The following P2RX7 variants were observed in gnomAD, a reference collection of about 807,000 sequenced individuals.
P2RX7 encodes the protein P2X purinoceptor 7.
A neutral mutation model predicts 71.6 loss-of-function variants in P2RX7; 62 were observed. The observed-to-expected ratio is 0.87, with a 90% CI of 0.71 to 1.07. The LOEUF (loss-of-function observed/expected upper bound fraction) is 1.07, where lower values mean the gene tolerates loss of function less well. P2RX7 is among the 50% of genes least tolerant of loss of function. The pLI is 0.00. For synonymous variants in P2RX7, 299 were observed against 283.3 expected (o/e 1.06, Z -0.56); for missense variants, 686 against 748.5 (o/e 0.92, Z 0.97).
At chr12:121,165,526 C>T in intron 6 of P2RX7, 89 bp downstream of exon 6, 1 of 1,012,114 alleles carries the variant, frequency 9.9e-7, no homozygotes, top group East Asian at 2.5e-5. Flanking sequence ...CAACAAACGC[C>T]TATTGTCTCC....
In P2RX7 at chr12:121,186,847, A is replaced by G; in HGVS notation, c.*2045A>G. ...ATAGTGCCACTGCACTCCAGCCTAG[A>G]TAACAGAGCAAGACTCTGTCTCAAA... On this transcript the variant is annotated 3_prime_UTR_variant, in exon 13 of 13. Coordinates refer to ENST00000328963, the MANE Select transcript of P2RX7 (RefSeq NM_002562.6). 1 of 152,220 alleles carries G rather than the reference A, an allele frequency of 6.6e-6. No homozygotes were observed. Among genetic ancestry groups the G allele is most frequent in the East Asian group, 1.9e-4 (1 of 5,200 alleles). 9.4% of individuals were successfully genotyped at this position (152,220 alleles called of 1,614,324 possible).
rs1376599632 is a variant in P2RX7 at position 121,138,506 on chromosome 12, G to C, written c.125+5411G>C. On this transcript the variant is annotated intron_variant, in intron 1 of 12. Coordinates refer to ENST00000328963, the MANE Select transcript of P2RX7 (RefSeq NM_002562.6). ...CCTGGGTCATGTGCTGGCTCCCGTA[G>C]CAGGAAGTAGGGAGAAGACGAGGGA... 2.0e-5 allele frequency among the ~76,000 whole-genome samples: 3 copies of C among 152,372 alleles called. No homozygotes were observed. The East Asian group carries it at 5.8e-4, about 29-fold the overall frequency.
intron 12 of P2RX7, among the ~76,000 whole-genome samples, chr12:121,181,672 A>G (rs1884161665): frequency 6.6e-6 from 1 of 152,026 alleles, no homozygotes; most frequent in African/African-American, 2.4e-5. Context: ...CCTGACCAAC[A>G]TGGAGAAACC....
chr12:121,184,645 G>C lies in P2RX7; in HGVS notation c.1631G>C (p.Arg544Pro). 6.2e-7 allele frequency: 1 copy of C among 1,603,126 alleles called. No individual in the cohort carries two copies. Among genetic ancestry groups the C allele is most frequent in the Middle Eastern group, 1.7e-4 (1 of 6,042 alleles). ...LALDVDSTNS[R>P]LRHCAYRCYA... ...CTGGATGTGGATTCCACCAACAGCC[G>C]GCTGCGGCACTGTGCCTACAGGTGC... Residue 544 changes from arginine to proline, a missense_variant, in exon 13 of 13, where the codon CGG becomes CCG. Transcript: ENST00000328963.
chr12:121,175,383 T>C lies in P2RX7; in HGVS notation c.882-5T>C. The C allele has an allele frequency of 6.4e-7, 1 of 1,573,214 alleles. No homozygotes were observed. Among genetic ancestry groups the C allele is most frequent in the Non-Finnish European group, 8.7e-7 (1 of 1,145,232 alleles). ...TTACAAATACAGATCCTTTTCTTCC[T>C]ACAGATACGCCAAGTACTACAAGGA... On this transcript the variant is annotated splice_polypyrimidine_tract_variant and splice_region_variant and intron_variant, in intron 8 of 12. Transcript: ENST00000328963.
intron 12 of P2RX7, among the ~76,000 whole-genome samples, chr12:121,184,014 A>G (rs2568003): frequency 0.32 from 48,730 of 151,088 alleles, 8,436 homozygotes; most frequent in African/African-American, 0.44. Flanking sequence ...GCAGTGAGCC[A>G]AGATCACACC....
At chr12:121,136,669 T>A (rs141624289) in intron 1 of P2RX7, among the ~76,000 whole-genome samples, 3,978 of 142,532 alleles carry the variant, frequency 0.028, 201 homozygotes, top group African/African-American at 0.1. Context: ...TTTTTTTGAG[T>A]TGAGTCTCAC....
At chr12:121,166,648 C>A (rs990814783) in intron 7 of P2RX7, among the ~76,000 whole-genome samples, 14 of 152,124 alleles carry the variant, frequency 9.2e-5, no homozygotes, top group Non-Finnish European at 1.8e-4. Flanking sequence ...TATCCTGTGT[C>A]CAATCTCCCT....
intron 1 of P2RX7, among the ~76,000 whole-genome samples, chr12:121,135,861 G>A (rs991265134): frequency 6.7e-5 from 10 of 150,112 alleles, no homozygotes; most frequent in African/African-American, 9.8e-5. Flanking sequence ...AAAATTAGCC[G>A]GGCATGGTGG....
rs1310663071 is a variant in P2RX7 at position 121,164,917 on chromosome 12, G to A, written c.534-440G>A. On this transcript the variant is annotated intron_variant, in intron 5 of 12. Coordinates refer to ENST00000328963, the MANE Select transcript of P2RX7 (RefSeq NM_002562.6). ...ACTTACAATCATGGCAGAAGGCGAA[G>A]GGGAAGCAAACACATCTTACCATGA... Among the ~76,000 whole-genome samples, 5 of 152,348 alleles carry A rather than the reference G, an allele frequency of 3.3e-5. No individual in the cohort carries two copies. In the East Asian group the frequency reaches 9.6e-4, roughly 29 times the overall value.
chr12:121,174,030 T>C (rs1277743602), intron 8 of P2RX7, among the ~76,000 whole-genome samples: 1 of 148,400 alleles, frequency 6.7e-6, no homozygotes, highest in African/African-American at 2.5e-5. Context: ...AAAACTTTTT[T>C]ATTTTTTCTT....
chr12:121,132,931 A>G lies in P2RX7; in HGVS notation c.-40A>G, dbSNP rs1250131562. On this transcript the variant is annotated 5_prime_UTR_variant, in exon 1 of 13. Transcript: ENST00000328963. Reference sequence around the variant, plus strand: ...GCTGTGGCCCTGTCAGGAAGAGTAGAGCTCTGGTCCAGCTCCGCGCAGGGA... The same window carrying G: ...GCTGTGGCCCTGTCAGGAAGAGTAGGGCTCTGGTCCAGCTCCGCGCAGGGA... The G allele has an allele frequency of 1.2e-6, 2 of 1,611,580 alleles. No individual in the cohort carries two copies. The highest frequency in any genetic ancestry group is 2.7e-5 in the African/African-American group (2 of 74,904).
chr12:121,163,597 G>T lies in P2RX7; in HGVS notation c.533+1077G>T, dbSNP rs5013319. Among the ~76,000 whole-genome samples, 5 of 130,182 alleles carry T rather than the reference G, an allele frequency of 3.8e-5. No individual in the cohort carries two copies. The Admixed American group carries it at 3.9e-4, about 10-fold the overall frequency. 85.4% of individuals were successfully genotyped at this position (130,182 alleles called of 152,430 possible). A position where few individuals can be genotyped will look rare whatever the true frequency, so the allele number is the denominator to read the frequency against. ...AAATAGATAATAGATAGATAGACAG[G>T]TAGATAGATAGATAGATAGATAGAT... On this transcript the variant is annotated intron_variant, in intron 5 of 12. Transcript: ENST00000328963.
In P2RX7 at chr12:121,184,511, C is replaced by T; in HGVS notation, c.1497C>T (p.Cys499=). 6.2e-7 allele frequency: 1 copy of T among 1,614,196 alleles called. No individual in the cohort carries two copies. The highest frequency in any genetic ancestry group is 1.7e-5 in the Admixed American group (1 of 60,008). ...ACAGGTGCCTGGAGGAGCTGTGCTG[C>T]CGGAAAAAGCCGGGGGCCTGCATCA... ...ESHRCLEELC[C]RKKPGACITT... The change falls in exon 13 of 13, where the codon TGC becomes TGT. Residue 499 remains cysteine (C), a synonymous_variant. Coordinates refer to ENST00000328963, the MANE Select transcript of P2RX7 (RefSeq NM_002562.6).
intron 5 of P2RX7, among the ~76,000 whole-genome samples, chr12:121,163,946 G>A (rs571490097): frequency 6.6e-5 from 10 of 152,174 alleles, no homozygotes; most frequent in African/African-American, 1.2e-4. Context: ...TGGGGGGTGC[G>A]CTCAGCAGCA....
intron 2 of P2RX7, chr12:121,155,432 CTG>C (rs1014491632): frequency 4.5e-4 from 557 of 1,248,378 alleles, no homozygotes; most frequent in Non-Finnish European, 5.5e-4. Flanking sequence ...GCATCGGTCA[CTG>C]AGAGAAGGCG....
At chr12:121,162,976 A>T (rs208295) in intron 5 of P2RX7, among the ~76,000 whole-genome samples, 7 of 144,516 alleles carry the variant, frequency 4.8e-5, no homozygotes, top group South Asian at 4.3e-4. Context: ...AGGGTAAAAG[A>T]GGGGGGGAAG....
At chr12:121,176,157 C>T (rs971318004) in intron 9 of P2RX7, among the ~76,000 whole-genome samples, 7 of 151,876 alleles carry the variant, frequency 4.6e-5, no homozygotes, top group African/African-American at 1.7e-4. Flanking sequence ...GCCATACTCC[C>T]AGTGGTTAGT....
At chr12:121,153,686 A>C (rs983085869) in intron 1 of P2RX7, among the ~76,000 whole-genome samples, 2 of 151,186 alleles carry the variant, frequency 1.3e-5, no homozygotes, top group Admixed American at 1.3e-4. Context: ...TCAAAAAAAC[A>C]TAATAAAACA....
Sources: allele counts gnomAD v4.1 joint callset (sites outside exome capture counted in the v4.1 genomes callset), GRCh38; gene constraint gnomAD v4.1.1; transcripts MANE v1.5; gene names NCBI Gene and HGNC (gene_info 2026-07-23, HGNC 2026-07-21).